The following PPFIA2 variants were observed in gnomAD, a reference collection of about 807,000 sequenced individuals.
PPFIA2 encodes liprin-alpha-2.
In PPFIA2, 46 loss-of-function variants were observed where a neutral mutation model predicts 175.5. The ratio of observed to expected loss-of-function variants is 0.26; its 90% confidence interval spans 0.21 to 0.34. The LOEUF (loss-of-function observed/expected upper bound fraction) is 0.34. PPFIA2 is among the 10% of genes least tolerant of loss of function. The probability of loss-of-function intolerance (pLI) is 1.00; values close to 1 mark genes in which losing one functional copy is unlikely to be tolerated. For synonymous variants in PPFIA2, 568 were observed against 511.4 expected (o/e 1.11, Z -1.49); for missense variants, 1,179 against 1,506.1 (o/e 0.78, Z 3.60).
chr12:81,742,820 G>A (rs2082491493), intron 3 of PPFIA2, among the ~76,000 whole-genome samples: 1 of 152,132 alleles, frequency 6.6e-6, no homozygotes, highest in Non-Finnish European at 1.5e-5. Flanking sequence ...AAAAACAAAG[G>A]AGGAAAACCA....
chr12:81,541,372 A>C lies in PPFIA2; in HGVS notation c.304-83506T>G, dbSNP rs1052791259. ...CTCCTCCTCAACAGCTGTCCCTACT[A>C]ATGCAAGATAATTTTATGTAAAATT... On this transcript the variant is annotated intron_variant, in intron 4 of 32. Transcript: ENST00000549396. 3.9e-4 allele frequency among the ~76,000 whole-genome samples: 59 copies of C among 151,768 alleles called. 3 individuals carry two copies. Among genetic ancestry groups the C allele is most frequent in the Non-Finnish European group, 8.8e-5 (6 of 67,998 alleles).
intron 8 of PPFIA2, among the ~76,000 whole-genome samples, chr12:81,385,703 A>G (rs889353066): frequency 6.6e-6 from 1 of 152,126 alleles, no homozygotes; most frequent in Non-Finnish European, 1.5e-5. Flanking sequence ...CAGAGGCTGG[A>G]AAAAAAGGAT....
At chr12:81,509,453 T>C (rs769206539) in intron 4 of PPFIA2, among the ~76,000 whole-genome samples, 2 of 152,192 alleles carry the variant, frequency 1.3e-5, no homozygotes, top group Non-Finnish European at 2.9e-5. Flanking sequence ...CAAGCTTTTA[T>C]TTGCAGGCAT....
At chr12:81,351,084 T>C (rs2059921757) in intron 17 of PPFIA2, among the ~76,000 whole-genome samples, 1 of 152,148 alleles carries the variant, frequency 6.6e-6, no homozygotes, top group Non-Finnish European at 1.5e-5. Flanking sequence ...AACCATATAT[T>C]AAATTAAAAT....
intron 1 of PPFIA2, 45 bp from the exon 2 acceptor site, chr12:81,758,552 G>A (rs560282846): frequency 2.5e-6 from 1 of 398,118 alleles, no homozygotes; most frequent in Non-Finnish European, 5.2e-6. Context: ...CGCGTGCCCC[G>A]GCGCCCTCCC....
chr12:81,480,413 A>G (rs1448364417), intron 4 of PPFIA2, among the ~76,000 whole-genome samples: 3 of 152,042 alleles, frequency 2.0e-5, no homozygotes, highest in African/African-American at 4.8e-5. Flanking sequence ...TACTTCTGTC[A>G]ATTCATCAAA....
At chr12:81,309,769 T>G (rs2050262342) in intron 22 of PPFIA2, among the ~76,000 whole-genome samples, 1 of 152,094 alleles carries the variant, frequency 6.6e-6, no homozygotes, top group South Asian at 2.1e-4. Flanking sequence ...AGAAATGTAT[T>G]TGGGAATTGA....
chr12:81,419,699 T>C (rs1272027063), intron 7 of PPFIA2, among the ~76,000 whole-genome samples: 1 of 152,150 alleles, frequency 6.6e-6, no homozygotes, highest in African/African-American at 2.4e-5. Flanking sequence ...TCACCTTATT[T>C]ATGTTGGATA....
chr12:81,569,937 C>G (rs1179724210), intron 4 of PPFIA2, among the ~76,000 whole-genome samples: 1 of 152,128 alleles, frequency 6.6e-6, no homozygotes, highest in Admixed American at 6.6e-5. Context: ...AAACTATCCA[C>G]AATTTAAACC....
chr12:81,658,394 G>A (rs1234452164), intron 4 of PPFIA2, among the ~76,000 whole-genome samples: 1 of 151,728 alleles, frequency 6.6e-6, no homozygotes, highest in Non-Finnish European at 1.5e-5. Context: ...AGTACTAAGT[G>A]TACAACAGAC....
chr12:81,443,348 C>T (rs913874688), intron 6 of PPFIA2, among the ~76,000 whole-genome samples: 22 of 152,192 alleles, frequency 1.4e-4, no homozygotes, highest in Admixed American at 5.2e-4. Flanking sequence ...GGCCACTGAG[C>T]ATTACTTGTT....
chr12:81,305,102 G>A (rs933279234), intron 22 of PPFIA2, among the ~76,000 whole-genome samples: 1 of 151,990 alleles, frequency 6.6e-6, no homozygotes, highest in Non-Finnish European at 1.5e-5. Context: ...TGAATGCATG[G>A]CAAATTAACT....
chr12:81,597,272 A>T (rs996767910), intron 4 of PPFIA2, among the ~76,000 whole-genome samples: 1 of 152,066 alleles, frequency 6.6e-6, no homozygotes, highest in Non-Finnish European at 1.5e-5. Flanking sequence ...CATTTTCTAG[A>T]CTGATGGCTG....
intron 3 of PPFIA2, among the ~76,000 whole-genome samples, chr12:81,735,509 T>G (rs1440633938): frequency 6.6e-6 from 1 of 151,816 alleles, no homozygotes; most frequent in East Asian, 1.9e-4. Flanking sequence ...AACAGAGATA[T>G]GTTTTGAAAG....
intron 9 of PPFIA2, among the ~76,000 whole-genome samples, chr12:81,377,168 G>A (rs957921005): frequency 6.6e-6 from 1 of 151,968 alleles, no homozygotes. Context: ...GATGCTGTGT[G>A]TGTTTATACA....
chr12:81,719,220 A>G (rs947562766), intron 3 of PPFIA2, among the ~76,000 whole-genome samples: 3 of 151,614 alleles, frequency 2.0e-5, no homozygotes, highest in African/African-American at 7.3e-5. Flanking sequence ...TAGTGGGTTC[A>G]GCCCTCTGTT....
At chr12:81,639,982 A>G (rs2064737704) in intron 4 of PPFIA2, among the ~76,000 whole-genome samples, 1 of 152,174 alleles carries the variant, frequency 6.6e-6, no homozygotes, top group African/African-American at 2.4e-5. Context: ...TGAAATTATT[A>G]TTTATACCTG....
Position 81,339,347 on chromosome 12 carries a change from A to G in PPFIA2, c.2394-13T>C, listed in dbSNP as rs745897182. ...GACAGATAAACTACTGCAAAACACA[A>G]AAGAGGAAAATACATGCAACATCCA... is the stretch of plus-strand genomic sequence containing the variant. On this transcript the variant is annotated splice_polypyrimidine_tract_variant and intron_variant, in intron 20 of 32. Transcript: ENST00000549396. 1.3e-6 allele frequency: 2 copies of G among 1,553,834 alleles called. No individual in the cohort carries two copies. Among genetic ancestry groups the G allele is most frequent in the South Asian group, 2.5e-5 (2 of 80,266 alleles).
chr12:81,290,734 G>GAAACA (rs1421805798), intron 24 of PPFIA2, among the ~76,000 whole-genome samples: 1 of 151,700 alleles, frequency 6.6e-6, no homozygotes, highest in Non-Finnish European at 1.5e-5. Context: ...AGAAAAAATA[G>GAAACA]CAACACAACA....
Sources: allele counts gnomAD v4.1 joint callset (sites outside exome capture counted in the v4.1 genomes callset), GRCh38; gene constraint gnomAD v4.1.1; transcripts MANE v1.5; gene names NCBI Gene and HGNC (gene_info 2026-07-23, HGNC 2026-07-21).